Variants in ZNF407 observed in about 807,000 individuals in gnomAD.
ZNF407 encodes zinc finger protein 407.
In ZNF407, 17 loss-of-function variants were observed where a neutral mutation model predicts 131.2. The observed-to-expected ratio is 0.13, with a 90% confidence interval of 0.09 to 0.19. The LOEUF is 0.19. Ranked by LOEUF, ZNF407 falls within the 10% of genes least tolerant of loss-of-function variation. The probability of loss-of-function intolerance (pLI) is 1.00; values close to 1 mark genes in which losing one functional copy is unlikely to be tolerated. For missense variants in ZNF407, 2,681 were observed against 2,830.6 expected (o/e 0.95, Z 1.20); for synonymous variants, 1,156 against 1,062.0 (o/e 1.09, Z -1.72).
intron 8 of ZNF407, among the ~76,000 whole-genome samples, chr18:74,980,523 T>G (rs973806682): frequency 8.5e-5 from 13 of 152,114 alleles, no homozygotes; most frequent in African/African-American, 3.1e-4. Flanking sequence ...GAGGCTGGTC[T>G]CGAATTCCTG....
At chr18:74,617,486 A>G (rs1272641761) in intron 1 of ZNF407, among the ~76,000 whole-genome samples, 2 of 152,316 alleles carry the variant, frequency 1.3e-5, no homozygotes, top group Non-Finnish European at 2.9e-5. Context: ...TTCTTTATAT[A>G]CTTTTATAAA....
At chr18:74,809,183 G>T (rs1265847751) in intron 4 of ZNF407, among the ~76,000 whole-genome samples, 2 of 152,176 alleles carry the variant, frequency 1.3e-5, no homozygotes, top group African/African-American at 4.8e-5. Flanking sequence ...AAAGTGAAAT[G>T]AAATTCTGCT....
intron 7 of ZNF407, among the ~76,000 whole-genome samples, chr18:74,915,955 G>A (rs867694993): frequency 6.9e-4 from 1 of 1,458 alleles, no homozygotes. Flanking sequence ...GTGAGGTTGT[G>A]TGCAGTATTG....
At chr18:74,802,142 A>G (rs1243760841) in intron 4 of ZNF407, among the ~76,000 whole-genome samples, 1 of 152,210 alleles carries the variant, frequency 6.6e-6, no homozygotes, top group Non-Finnish European at 1.5e-5. Flanking sequence ...TCTCATGTAT[A>G]TATAAATGTA....
At chr18:74,873,604 G>T (rs1971116746) in intron 4 of ZNF407, among the ~76,000 whole-genome samples, 2 of 152,126 alleles carry the variant, frequency 1.3e-5, no homozygotes, top group Admixed American at 1.3e-4. Flanking sequence ...GCTCAAGCCT[G>T]TAATCCCAGC....
intron 4 of ZNF407, among the ~76,000 whole-genome samples, chr18:74,863,186 G>T (rs1464233542): frequency 3.3e-5 from 5 of 151,646 alleles, no homozygotes; most frequent in Admixed American, 3.3e-4. Context: ...CTCCCAAATT[G>T]CTGGGATTAC....
chr18:74,920,024 G>A (rs1971825393), intron 7 of ZNF407, among the ~76,000 whole-genome samples: 1 of 152,134 alleles, frequency 6.6e-6, no homozygotes, highest in Non-Finnish European at 1.5e-5. Context: ...GTTGAGCCTG[G>A]GAGCCGTTTC....
At chr18:74,684,420 A>G (rs73482704) in intron 3 of ZNF407, among the ~76,000 whole-genome samples, 2,419 of 152,314 alleles carry the variant, frequency 0.016, 70 homozygotes, top group African/African-American at 0.056. Flanking sequence ...CTTAGAATAT[A>G]TATTTAAAAA....
chr18:74,975,744 C>A (rs1310845192), intron 8 of ZNF407, among the ~76,000 whole-genome samples: 1 of 152,120 alleles, frequency 6.6e-6, no homozygotes, highest in Non-Finnish European at 1.5e-5. Flanking sequence ...TTTCAACCTG[C>A]AAAAGGGGGT....
chr18:74,687,128 G>T (rs190861513), intron 3 of ZNF407, among the ~76,000 whole-genome samples: 2 of 152,260 alleles, frequency 1.3e-5, no homozygotes, highest in East Asian at 3.9e-4. Context: ...TGGGAGGATT[G>T]CTTGAGGCTG....
At chr18:74,826,662 A>G (rs75029307) in intron 4 of ZNF407, among the ~76,000 whole-genome samples, 13,210 of 152,174 alleles carry the variant, frequency 0.087, 641 homozygotes, top group South Asian at 0.17. Flanking sequence ...GGAATGTCTG[A>G]TTTACCCTTA....
In ZNF407 at chr18:74,635,480, A is replaced by G; in HGVS notation, c.4461A>G (p.Lys1487=). 1 of 1,612,860 alleles carries G rather than the reference A, an allele frequency of 6.2e-7. No homozygotes were observed. Among genetic ancestry groups the G allele is most frequent in the Non-Finnish European group, 8.5e-7 (1 of 1,179,270 alleles). Residue 1487 remains lysine, a synonymous_variant, in exon 2 of 9, where the codon AAA becomes AAG. Transcript: ENST00000299687. The surrounding 1 kb of genome is among the most constrained non-coding windows in gnomAD (Gnocchi z 4.7). ...TTCCGGAGGGAGGGGCCACCTTTAA[A>G]TGTGTCAAGTGCACAGAGCCCTTTG... is the stretch of plus-strand genomic sequence containing the variant. The part of the protein sequence containing the change: ...EELPEGGATF[K]CVKCTEPFDS...
At chr18:74,991,582 G>A (rs1409157522) in intron 8 of ZNF407, among the ~76,000 whole-genome samples, 1 of 151,962 alleles carries the variant, frequency 6.6e-6, no homozygotes, top group African/African-American at 2.4e-5. Context: ...ATACCTATTC[G>A]GTATTGGTCA....
chr18:74,984,139 A>G (rs532889268), intron 8 of ZNF407, among the ~76,000 whole-genome samples: 2 of 152,312 alleles, frequency 1.3e-5, no homozygotes, highest in African/African-American at 4.8e-5. Context: ...TATAACCAGT[A>G]GTTAACAGAA....
At chr18:74,949,914 A>G (rs1032564286) in intron 8 of ZNF407, among the ~76,000 whole-genome samples, 1 of 152,196 alleles carries the variant, frequency 6.6e-6, no homozygotes, top group Admixed American at 6.5e-5. Context: ...GAGAATTAAA[A>G]TGTTCAAGAA....
At chr18:74,770,313 G>A (rs7235746) in intron 3 of ZNF407, among the ~76,000 whole-genome samples, 94,885 of 151,842 alleles carry the variant, frequency 0.62, 32,015 homozygotes, top group East Asian at 0.88. Context: ...TGGGAGAATC[G>A]CTTGAGTCTG....
chr18:74,758,126 A>G (rs1969006768), intron 3 of ZNF407, among the ~76,000 whole-genome samples: 1 of 152,232 alleles, frequency 6.6e-6, no homozygotes, highest in South Asian at 2.1e-4. Flanking sequence ...CCATTTACCT[A>G]TAATGTCATT....
chr18:74,780,645 A>T (rs1407112023), intron 3 of ZNF407, among the ~76,000 whole-genome samples: 2 of 151,952 alleles, frequency 1.3e-5, no homozygotes, highest in Non-Finnish European at 2.9e-5. Flanking sequence ...ACAGCAGTAA[A>T]TTTTTTTTCT....
intron 8 of ZNF407, among the ~76,000 whole-genome samples, chr18:74,970,161 AC>A (rs918166347): frequency 6.6e-6 from 1 of 151,222 alleles, no homozygotes; most frequent in Non-Finnish European, 1.5e-5. Flanking sequence ...TGATTCAATC[AC>A]CCCCGCCCCC....
Sources: allele counts gnomAD v4.1 joint callset (sites outside exome capture counted in the v4.1 genomes callset), GRCh38; gene constraint gnomAD v4.1.1; non-coding constraint Gnocchi (gnomAD v3.1); transcripts MANE v1.5; gene names NCBI Gene and HGNC (gene_info 2026-07-23, HGNC 2026-07-21).